MIPOL1: variants seen among roughly 807,000 people sequenced by gnomAD.
MIPOL1 encodes mirror-image polydactyly 1.
Under a neutral mutation model 60.9 loss-of-function variants are expected in MIPOL1, and 57 were observed. That is an observed-to-expected ratio of 0.94 (90% CI 0.76 to 1.17). MIPOL1 has a LOEUF of 1.17. MIPOL1 is among the 50% of genes most tolerant of loss of function. The probability of loss-of-function intolerance (pLI) is 0.00; values close to 1 mark genes in which losing one functional copy is unlikely to be tolerated. For missense variants in MIPOL1, 551 were observed against 511.6 expected (o/e 1.08, Z -0.74); for synonymous variants, 179 against 168.8 (o/e 1.06, Z -0.47).
intron 7 of MIPOL1, among the ~76,000 whole-genome samples, chr14:37,289,504 G>A (rs923951618): frequency 6.6e-6 from 1 of 152,218 alleles, no homozygotes; most frequent in Non-Finnish European, 1.5e-5. Flanking sequence ...TGTTAGAGCA[G>A]CTCACAGAAC....
At chr14:37,364,058 G>A (rs1000338949) in intron 9 of MIPOL1, among the ~76,000 whole-genome samples, 1 of 152,218 alleles carries the variant, frequency 6.6e-6, no homozygotes, top group Non-Finnish European at 1.5e-5. Flanking sequence ...CCTTGGCTAG[G>A]AAAGGGAAAT....
chr14:37,508,050 C>T (rs2153620673), intron 12 of MIPOL1, among the ~76,000 whole-genome samples: 1 of 152,116 alleles, frequency 6.6e-6, no homozygotes, highest in Admixed American at 6.5e-5. Flanking sequence ...AGGCTATTAG[C>T]CTATTTTATT....
intron 11 of MIPOL1, among the ~76,000 whole-genome samples, chr14:37,471,113 CT>C (rs759317279): frequency 1.3e-4 from 20 of 152,176 alleles, no homozygotes; most frequent in African/African-American, 3.9e-4. Context: ...TTTTAAGTGT[CT>C]TTTGTATTTA....
At chr14:37,363,807 C>A (rs2092372900) in intron 9 of MIPOL1, among the ~76,000 whole-genome samples, 2 of 152,192 alleles carry the variant, frequency 1.3e-5, no homozygotes, top group African/African-American at 4.8e-5. Context: ...AGTTTCCTGG[C>A]CGCTTTGTTT....
chr14:37,441,572 A>G (rs374624902), intron 11 of MIPOL1, among the ~76,000 whole-genome samples: 30 of 152,102 alleles, frequency 2.0e-4, no homozygotes, highest in African/African-American at 7.2e-4. Flanking sequence ...TGGGTTTTCT[A>G]TTCTGTTCCA....
At chr14:37,524,378 C>T (rs981040312) in intron 12 of MIPOL1, among the ~76,000 whole-genome samples, 10 of 151,888 alleles carry the variant, frequency 6.6e-5, no homozygotes, top group African/African-American at 2.4e-4. Flanking sequence ...GAGGAGAGTT[C>T]CCAGATAATT....
intron 12 of MIPOL1, among the ~76,000 whole-genome samples, chr14:37,537,623 C>CA (rs1594923102): frequency 1.3e-5 from 2 of 151,782 alleles, no homozygotes; most frequent in Non-Finnish European, 2.9e-5. Flanking sequence ...TGAATGTGTT[C>CA]AAAAAAATAT....
intron 9 of MIPOL1, among the ~76,000 whole-genome samples, chr14:37,328,069 A>G (rs1567487785): frequency 1.3e-5 from 2 of 152,006 alleles, no homozygotes; most frequent in East Asian, 1.9e-4. Flanking sequence ...CTGGAGTGCA[A>G]TGATGCAATC....
chr14:37,361,258 T>A (rs539268719), intron 9 of MIPOL1, among the ~76,000 whole-genome samples: 46 of 152,298 alleles, frequency 3.0e-4, no homozygotes, highest in Non-Finnish European at 5.3e-4. Context: ...AATTTTAGAA[T>A]AAGTGCAATG....
At chr14:37,377,735 T>C (rs1173873065) in intron 10 of MIPOL1, among the ~76,000 whole-genome samples, 1 of 141,696 alleles carries the variant, frequency 7.1e-6, no homozygotes, top group African/African-American at 2.6e-5. Context: ...ATTTCTTTCC[T>C]ATTTTTATGC....
chr14:37,488,392 G>A (rs370233586), intron 11 of MIPOL1, among the ~76,000 whole-genome samples: 19 of 152,104 alleles, frequency 1.2e-4, no homozygotes, highest in South Asian at 4.2e-4. Context: ...ATTTTCTGTC[G>A]TTGATCTGTC....
intron 11 of MIPOL1, among the ~76,000 whole-genome samples, chr14:37,441,005 A>T (rs750483858): frequency 6.6e-6 from 1 of 152,144 alleles, no homozygotes; most frequent in Admixed American, 6.5e-5. Flanking sequence ...CATTTCTCTG[A>T]TGAGTGGTGA....
intron 1 of MIPOL1, chr14:37,219,830 G>A (rs1968439383): frequency 6.7e-6 from 1 of 150,354 alleles, no homozygotes; most frequent in African/African-American, 2.4e-5. Context: ...CTTTGATGCT[G>A]TTTTGTTAAA....
intron 11 of MIPOL1, among the ~76,000 whole-genome samples, chr14:37,494,519 T>G (rs2095090059): frequency 6.6e-6 from 1 of 152,138 alleles, no homozygotes; most frequent in Non-Finnish European, 1.5e-5. Context: ...AGAATCTGAA[T>G]GCCTAGCTAA....
chr14:37,226,759 G>T (rs757817745), intron 1 of MIPOL1, among the ~76,000 whole-genome samples: 1 of 152,204 alleles, frequency 6.6e-6, no homozygotes, highest in Non-Finnish European at 1.5e-5. Flanking sequence ...AGCCATGGTT[G>T]CACTACTGCA....
At chr14:37,454,163 C>T (rs750065777) in intron 11 of MIPOL1, among the ~76,000 whole-genome samples, 3 of 152,140 alleles carry the variant, frequency 2.0e-5, no homozygotes, top group Non-Finnish European at 2.9e-5. Context: ...TTCATGGAGT[C>T]GTGTTTTATA....
intron 11 of MIPOL1, among the ~76,000 whole-genome samples, chr14:37,466,620 A>G (rs1415060668): frequency 6.6e-6 from 1 of 152,256 alleles, no homozygotes; most frequent in Non-Finnish European, 1.5e-5. Context: ...CAGGTATTAC[A>G]TGTAGAGCAC....
At chr14:37,489,216 G>A (rs12437250) in intron 11 of MIPOL1, among the ~76,000 whole-genome samples, 117,106 of 152,072 alleles carry the variant, frequency 0.77, 45,635 homozygotes, top group African/African-American at 0.89. Flanking sequence ...GTGATCTTCA[G>A]TCTCTGATAT....
In MIPOL1 at chr14:37,247,844, C is replaced by T. The variant is rs749486998; in HGVS notation, c.-45C>T. 6.2e-7 allele frequency: 1 copy of T among 1,608,320 alleles called. No individual in the cohort carries two copies. On this transcript the variant is annotated 5_prime_UTR_variant, in exon 3 of 13. Coordinates refer to ENST00000684589, the MANE Select transcript of MIPOL1 (RefSeq NM_001388067.1). ...TTTATTTTAGCTGCAAATCTTGGAG[C>T]AAAAACCAGAGACATTGCCAGAGCA...
Sources: allele counts gnomAD v4.1 joint callset (sites outside exome capture counted in the v4.1 genomes callset), GRCh38; gene constraint gnomAD v4.1.1; transcripts MANE v1.5; gene names NCBI Gene and HGNC (gene_info 2026-07-23, HGNC 2026-07-21).